DPYD: variants seen among roughly 807,000 people sequenced by gnomAD.
The protein encoded by DPYD is dihydropyrimidine dehydrogenase, also known as dihydropyrimidine dehydrogenase [NADP(+)].
In DPYD, 109 loss-of-function variants were observed where a neutral mutation model predicts 116.2. The ratio of observed to expected loss-of-function variants is 0.94; its 90% CI spans 0.80 to 1.10. The LOEUF (loss-of-function observed/expected upper bound fraction) is 1.10, where lower values mean the gene tolerates loss of function less well. Among genes scored for constraint, DPYD ranks in the 50% least tolerant of loss-of-function variants. DPYD has a pLI of 0.00. For synonymous variants in DPYD, 440 were observed against 432.0 expected, an observed-to-expected ratio of 1.02 and a Z score of -0.23; for missense variants, 1,302 against 1,254.5, an observed-to-expected ratio of 1.04 and a Z score of -0.57.
At chr1:97,830,707 CAAAA>C (rs759967010) in intron 2 of DPYD, among the ~76,000 whole-genome samples, 2 of 105,774 alleles carry the variant, frequency 1.9e-5, no homozygotes, top group Admixed American at 9.9e-5. Flanking sequence ...GACTCCATCT[CAAAA>C]AAAAAAAAAA....
chr1:97,136,550 T>C (rs1653816434), intron 20 of DPYD, among the ~76,000 whole-genome samples: 1 of 152,042 alleles, frequency 6.6e-6, no homozygotes, highest in Non-Finnish European at 1.5e-5. Flanking sequence ...TCTTAGTATC[T>C]CTCTCATGGA....
At chr1:97,358,756 T>C (rs1264395136) in intron 16 of DPYD, among the ~76,000 whole-genome samples, 1 of 151,856 alleles carries the variant, frequency 6.6e-6, no homozygotes, top group Non-Finnish European at 1.5e-5. Context: ...CAGAAAGGAA[T>C]AGCATCAACA....
chr1:97,475,732 G>C (rs1677923687), intron 13 of DPYD, among the ~76,000 whole-genome samples: 1 of 152,164 alleles, frequency 6.6e-6, no homozygotes, highest in Admixed American at 6.5e-5. Context: ...TTCAAAACTA[G>C]GCTGGTGGCC....
chr1:97,120,291 T>C (rs987579495), intron 20 of DPYD, among the ~76,000 whole-genome samples: 5 of 152,184 alleles, frequency 3.3e-5, no homozygotes, highest in African/African-American at 9.6e-5. Flanking sequence ...TAATCTCTTC[T>C]TTTCAAAAGG....
chr1:97,614,890 C>CA (rs1304351810), intron 8 of DPYD, among the ~76,000 whole-genome samples: 5 of 152,038 alleles, frequency 3.3e-5, no homozygotes, highest in Non-Finnish European at 7.4e-5. Flanking sequence ...TCTTCTAATT[C>CA]AAAAATCAAT....
At chr1:97,359,304 C>A (rs1173957857) in intron 16 of DPYD, among the ~76,000 whole-genome samples, 2 of 152,088 alleles carry the variant, frequency 1.3e-5, no homozygotes, top group Non-Finnish European at 2.9e-5. Flanking sequence ...AAATATGGGA[C>A]TCTGTGAAAA....
intron 16 of DPYD, among the ~76,000 whole-genome samples, chr1:97,360,601 T>G (rs181869223): frequency 1.7e-4 from 26 of 152,268 alleles, no homozygotes; most frequent in Admixed American, 9.2e-4. Context: ...CACAACAAAC[T>G]GTCTCTCAGA....
intron 3 of DPYD, among the ~76,000 whole-genome samples, chr1:97,756,043 C>T (rs1412177355): frequency 6.6e-6 from 1 of 151,956 alleles, no homozygotes; most frequent in Admixed American, 6.6e-5. Context: ...ATGACAAGCA[C>T]CAACATCATA....
chr1:97,155,116 C>T lies in DPYD; in HGVS notation c.2622+37953G>A, dbSNP rs556411737. Among the ~76,000 whole-genome samples the T allele has an allele frequency of 3.3e-5, 5 of 152,190 alleles. No individual in the cohort carries two copies. The South Asian group carries it at 8.3e-4, about 25-fold the overall frequency. On this transcript the variant is annotated intron_variant, in intron 20 of 22. Coordinates refer to ENST00000370192, the MANE Select transcript of DPYD (RefSeq NM_000110.4). ...CTGGTTATTTCCTCTTTGCAGGGAA[C>T]GTATATGTGGCCTGAATAGTTGAGC...
intron 12 of DPYD, among the ~76,000 whole-genome samples, chr1:97,536,767 C>T (rs1650031882): frequency 6.6e-6 from 1 of 152,288 alleles, no homozygotes; most frequent in African/African-American, 2.4e-5. Flanking sequence ...CAAATAAATG[C>T]CTCTTGGCTA....
At chr1:97,727,048 G>T (rs1453576937) in intron 4 of DPYD, among the ~76,000 whole-genome samples, 1 of 151,494 alleles carries the variant, frequency 6.6e-6, no homozygotes, top group East Asian at 1.9e-4. Context: ...AGTTAGTAAG[G>T]ATTTATTGAA....
chr1:97,414,441 T>C (rs1301624826), intron 14 of DPYD, among the ~76,000 whole-genome samples: 1 of 152,172 alleles, frequency 6.6e-6, no homozygotes, highest in Admixed American at 6.5e-5. Flanking sequence ...TCAAAATTAA[T>C]TAGTGGCTAC....
At chr1:97,501,165 T>C (rs1679553883) in intron 13 of DPYD, among the ~76,000 whole-genome samples, 1 of 152,020 alleles carries the variant, frequency 6.6e-6, no homozygotes, top group Non-Finnish European at 1.5e-5. Context: ...AAAATCAATA[T>C]GGAGCCTGTC....
At chr1:97,742,416 C>G (rs968550287) in intron 3 of DPYD, among the ~76,000 whole-genome samples, 1 of 152,198 alleles carries the variant, frequency 6.6e-6, no homozygotes, top group South Asian at 2.1e-4. Flanking sequence ...AAATTTTACA[C>G]AATGAGTACC....
intron 20 of DPYD, among the ~76,000 whole-genome samples, chr1:97,176,339 C>T (rs927119403): frequency 2.6e-5 from 4 of 152,182 alleles, no homozygotes; most frequent in African/African-American, 9.7e-5. Flanking sequence ...CTCTGGCTTG[C>T]TCTATTGCCC....
chr1:97,674,144 T>C (rs567731301), intron 8 of DPYD, among the ~76,000 whole-genome samples: 2 of 152,272 alleles, frequency 1.3e-5, no homozygotes, highest in East Asian at 1.9e-4. Flanking sequence ...AAGAGACTGG[T>C]TGAGGCCATA....
intron 12 of DPYD, among the ~76,000 whole-genome samples, chr1:97,529,018 T>C (rs1649360871): frequency 6.6e-6 from 1 of 152,178 alleles, no homozygotes; most frequent in Non-Finnish European, 1.5e-5. Context: ...TGCCAATCTC[T>C]ATAAATATAC....
intron 19 of DPYD, among the ~76,000 whole-genome samples, chr1:97,202,417 T>G (rs530849756): frequency 6.6e-6 from 1 of 152,258 alleles, no homozygotes; most frequent in East Asian, 1.9e-4. Flanking sequence ...TATTTTTCAG[T>G]GTAACTCTGT....
At chr1:97,289,235 C>T (rs1665958431) in intron 18 of DPYD, among the ~76,000 whole-genome samples, 1 of 151,738 alleles carries the variant, frequency 6.6e-6, no homozygotes, top group African/African-American at 2.4e-5. Flanking sequence ...CAGATGGATT[C>T]ACAGCCGAAT....
Sources: gnomAD v4.1 joint callset for allele counts (sites outside exome capture counted in the v4.1 genomes callset) on GRCh38, gnomAD v4.1.1 for gene constraint, MANE v1.5 for transcripts, NCBI Gene and HGNC (gene_info 2026-07-23, HGNC 2026-07-21) for gene names.